TMEM117: variants seen among roughly 807,000 people sequenced by gnomAD.
TMEM117 encodes the protein transmembrane protein 117.
In TMEM117, 27 loss-of-function variants were observed where a neutral mutation model predicts 52.4. That is an observed-to-expected ratio of 0.51 (90% CI 0.38 to 0.71). The LOEUF (loss-of-function observed/expected upper bound fraction) is 0.71. TMEM117 is among the 30% of genes least tolerant of loss of function. The pLI, the probability that TMEM117 is intolerant of heterozygous loss-of-function variation, is 0.00. For synonymous variants in TMEM117, 215 were observed against 206.3 expected (o/e 1.04, Z -0.36); for missense variants, 556 against 630.5 (o/e 0.88, Z 1.26).
Position 44,388,422 on chromosome 12 carries a change from C to G in TMEM117, c.1295C>G (p.Thr432Ser). The change falls in exon 8 of 8, where the codon ACT (threonine) becomes AGT (serine). Residue 432 changes from threonine (T) to serine (S), a missense_variant. By Grantham distance (58) the Thr-to-Ser change is moderately conservative (BLOSUM62 1). Transcript: ENST00000266534. Reference protein sequence around the residue: ...PRMENQDKTYTRMKRKSPSEH... With the variant: ...PRMENQDKTYSRMKRKSPSEH... ...ATGGAGAATCAAGACAAAACTTACA[C>G]TCGCATGAAAAGAAAATCTCCATCA... The G allele has an allele frequency of 6.2e-7, 1 of 1,613,402 alleles. No homozygotes were observed. Among genetic ancestry groups the G allele is most frequent in the Middle Eastern group, 1.6e-4 (1 of 6,062 alleles).
intron 3 of TMEM117, among the ~76,000 whole-genome samples, chr12:44,136,255 T>C (rs1016417546): frequency 4.6e-5 from 7 of 152,166 alleles, no homozygotes; most frequent in African/African-American, 1.7e-4. Flanking sequence ...ATCATTTTTC[T>C]AATAACTTTA....
chr12:43,856,549 A>T lies in TMEM117; in HGVS notation c.277+11621A>T, dbSNP rs541080731. Among the ~76,000 whole-genome samples the T allele has an allele frequency of 2.6e-5, 4 of 152,210 alleles. No homozygotes were observed. The South Asian group carries it at 8.3e-4, about 32-fold the overall frequency. On this transcript the variant is annotated intron_variant, in intron 2 of 7. Coordinates refer to ENST00000266534, the MANE Select transcript of TMEM117 (RefSeq NM_032256.3). ...CACAATCCTCCTCCTCCCTCTCCAA[A>T]CCACTCCTGTCAACTATAAATTAGT...
At chr12:44,311,859 A>ATATATG (rs1950990860) in intron 6 of TMEM117, among the ~76,000 whole-genome samples, 2 of 110,470 alleles carry the variant, frequency 1.8e-5, no homozygotes, top group African/African-American at 1.1e-4. Flanking sequence ...GTATATATGT[A>ATATATG]TATATATGTA....
At chr12:44,269,653 G>A (rs954971074) in intron 5 of TMEM117, among the ~76,000 whole-genome samples, 24 of 151,490 alleles carry the variant, frequency 1.6e-4, no homozygotes, top group South Asian at 1.0e-3. Context: ...GATTACCTTC[G>A]ATTTTGTTTA....
chr12:44,240,653 A>G (rs1479013012), intron 5 of TMEM117, among the ~76,000 whole-genome samples: 4 of 152,192 alleles, frequency 2.6e-5, no homozygotes, highest in East Asian at 1.9e-4. Context: ...TATTTCTTGT[A>G]TATAAATATG....
chr12:44,183,841 G>A (rs1053136533), intron 4 of TMEM117, among the ~76,000 whole-genome samples: 5 of 152,094 alleles, frequency 3.3e-5, no homozygotes, highest in Admixed American at 6.6e-5. Flanking sequence ...TCTTTTCTAC[G>A]TATTCATTGA....
At chr12:44,152,588 A>G (rs1243970763) in intron 4 of TMEM117, among the ~76,000 whole-genome samples, 9 of 122,790 alleles carry the variant, frequency 7.3e-5, no homozygotes, top group Non-Finnish European at 1.4e-4. Flanking sequence ...TATATATAAT[A>G]TTTATATCAT....
intron 3 of TMEM117, among the ~76,000 whole-genome samples, chr12:43,994,013 C>T (rs1486378669): frequency 6.6e-6 from 1 of 152,022 alleles, no homozygotes; most frequent in Non-Finnish European, 1.5e-5. Context: ...TATTTTCTTT[C>T]AAAGCTCATG....
chr12:43,986,001 A>T (rs1211483272), intron 3 of TMEM117, among the ~76,000 whole-genome samples: 1 of 152,056 alleles, frequency 6.6e-6, no homozygotes, highest in African/African-American at 2.4e-5. Flanking sequence ...TGTTATTATT[A>T]TTTTTTTGGT....
intron 3 of TMEM117, among the ~76,000 whole-genome samples, chr12:43,967,271 T>C (rs1945501366): frequency 6.6e-6 from 1 of 152,106 alleles, no homozygotes; most frequent in African/African-American, 2.4e-5. Context: ...ATTACAGGCA[T>C]GTGCCACCAT....
chr12:44,261,124 T>A (rs1014430984), intron 5 of TMEM117, among the ~76,000 whole-genome samples: 7 of 152,176 alleles, frequency 4.6e-5, no homozygotes, highest in East Asian at 3.9e-4. Flanking sequence ...AACATTTTTT[T>A]AAAAAAATCA....
At chr12:44,102,150 G>C (rs949505609) in intron 3 of TMEM117, among the ~76,000 whole-genome samples, 2 of 151,948 alleles carry the variant, frequency 1.3e-5, no homozygotes, top group Non-Finnish European at 2.9e-5. Flanking sequence ...GGAGATATAA[G>C]AAAGAAAAAT....
chr12:43,819,684 G>A, the TMEM117 span, among the ~76,000 whole-genome samples: 12 of 152,134 alleles, frequency 7.9e-5, no homozygotes, highest in Non-Finnish European at 1.3e-4. Flanking sequence ...CCTGAGGCAG[G>A]AGAATCGCAT....
In TMEM117 at chr12:44,023,607, G is replaced by C. The variant is rs559669023; in HGVS notation, c.410+79265G>C. Among the ~76,000 whole-genome samples the C allele has an allele frequency of 3.4e-4, 51 of 152,066 alleles. 2 individuals are homozygous for C. The highest frequency in any genetic ancestry group is 1.1e-3 in the African/African-American group (47 of 41,480). ...TGAGCATTTTTTCATGTGTCTGTTG[G>C]CTGCATAAATGTCTTCTTTTGAGAA... is the stretch of plus-strand genomic sequence containing the variant. On this transcript the variant is annotated intron_variant, in intron 3 of 7. Coordinates refer to ENST00000266534, the MANE Select transcript of TMEM117 (RefSeq NM_032256.3).
At chr12:43,914,965 G>A (rs1473641737) in intron 2 of TMEM117, among the ~76,000 whole-genome samples, 2 of 152,052 alleles carry the variant, frequency 1.3e-5, no homozygotes, top group Non-Finnish European at 2.9e-5. Flanking sequence ...GTATCTTCTT[G>A]GGATTTTCTT....
At chr12:43,912,202 A>G (rs1192537519) in intron 2 of TMEM117, among the ~76,000 whole-genome samples, 1 of 147,908 alleles carries the variant, frequency 6.8e-6, no homozygotes, top group Non-Finnish European at 1.5e-5. Flanking sequence ...TTGTAGGGAC[A>G]TGGATGAAAT....
chr12:44,035,791 G>A (rs1410432584), intron 3 of TMEM117, among the ~76,000 whole-genome samples: 2 of 152,148 alleles, frequency 1.3e-5, no homozygotes, highest in Non-Finnish European at 2.9e-5. Context: ...AAATTGATGT[G>A]AGGTTACACC....
intron 7 of TMEM117, among the ~76,000 whole-genome samples, chr12:44,386,410 T>C (rs1952088705): frequency 1.3e-5 from 2 of 152,146 alleles, no homozygotes; most frequent in South Asian, 4.1e-4. Context: ...TCCAGTTGGG[T>C]ATGCCCAAAA....
At chr12:44,398,279 T>C in the TMEM117 span, among the ~76,000 whole-genome samples, 1 of 152,068 alleles carries the variant, frequency 6.6e-6, no homozygotes, top group African/African-American at 2.4e-5. Context: ...GAAGAGCCCA[T>C]GATGCAAGGG....
Sources: gnomAD v4.1 joint callset for allele counts (sites outside exome capture counted in the v4.1 genomes callset) on GRCh38, gnomAD v4.1.1 for gene constraint, MANE v1.5 for transcripts, NCBI Gene and HGNC (gene_info 2026-07-23, HGNC 2026-07-21) for gene names.